ZNF493: variants seen among roughly 807,000 people sequenced by gnomAD.
ZNF493 encodes zinc finger protein 493.
Under a neutral mutation model 12.2 loss-of-function variants are expected in ZNF493, and 11 were observed. That is an observed-to-expected ratio of 0.90 (90% CI 0.57 to 1.50). The LOEUF is 1.50. Among genes scored for constraint, ZNF493 ranks in the 40% most tolerant of loss-of-function variants. The pLI is 0.00. For synonymous variants in ZNF493, 286 were observed against 302.6 expected (o/e 0.95, Z 0.57); for missense variants, 950 against 906.6 (o/e 1.05, Z -0.61).
At chr19:21,416,746 C>T (rs1031179580) in intron 3 of ZNF493, among the ~76,000 whole-genome samples, 4 of 152,274 alleles carry the variant, frequency 2.6e-5, no homozygotes, top group South Asian at 2.1e-4. Context: ...CTGTGCTATG[C>T]GCTCTCCTGG....
At chr19:21,410,996 G>A (rs2030307648) in intron 3 of ZNF493, among the ~76,000 whole-genome samples, 1 of 151,942 alleles carries the variant, frequency 6.6e-6, no homozygotes, top group African/African-American at 2.4e-5. Flanking sequence ...CTCCATGTTG[G>A]TCAGGCTGGT....
At chr19:21,416,147 T>C (rs2030483658) in intron 3 of ZNF493, among the ~76,000 whole-genome samples, 2 of 152,202 alleles carry the variant, frequency 1.3e-5, no homozygotes, top group African/African-American at 4.8e-5. Flanking sequence ...AAGGTATAGG[T>C]TCTGGAGGCT....
intron 3 of ZNF493, among the ~76,000 whole-genome samples, chr19:21,420,563 A>AT (rs2030625465): frequency 9.4e-6 from 1 of 106,864 alleles, no homozygotes; most frequent in Non-Finnish European, 1.8e-5. Context: ...AGCAGGACAG[A>AT]TTTTGTGATG....
intron 1 of ZNF493, among the ~76,000 whole-genome samples, chr19:21,402,758 G>A (rs1331830014): frequency 6.6e-6 from 1 of 152,136 alleles, no homozygotes; most frequent in African/African-American, 2.4e-5. Context: ...TTATATGAGA[G>A]GCTCCAGGTA....
intron 1 of ZNF493, chr19:21,398,661 TG>T: frequency 2.6e-6 from 1 of 390,334 alleles, no homozygotes; most frequent in South Asian, 2.1e-5. Context: ...GTGGATATTC[TG>T]GGGCTGAGGG....
chr19:21,420,808 A>G (rs1253214471), intron 3 of ZNF493, among the ~76,000 whole-genome samples: 2 of 146,070 alleles, frequency 1.4e-5, no homozygotes, highest in Non-Finnish European at 3.0e-5. Flanking sequence ...GCTAAGTGCA[A>G]TGGTGTGATC....
rs758874687 is a variant in ZNF493 at position 21,423,972 on chromosome 19, G to A, written c.1313G>A (p.Cys438Tyr). The A allele has an allele frequency of 6.2e-7, 1 of 1,613,440 alleles. No individual in the cohort carries two copies. ...TGEKPYKCEE[C>Y]GKTFSVFSIL... ...GAGAAACCCTACAAATGTGAAGAAT[G>A]TGGCAAAACCTTTAGTGTATTCTCA... The change falls in exon 4 of 4, where the codon TGT becomes TAT. Residue 438 changes from cysteine (C) to tyrosine (Y), a missense_variant. Coordinates refer to ENST00000392288, the MANE Select transcript of ZNF493 (RefSeq NM_001076678.3).
At chr19:21,417,649 T>A (rs535555031) in intron 3 of ZNF493, among the ~76,000 whole-genome samples, 4 of 152,282 alleles carry the variant, frequency 2.6e-5, no homozygotes, top group African/African-American at 7.2e-5. Context: ...TGTAAGCTAT[T>A]CTGTGGCATC....
intron 1 of ZNF493, among the ~76,000 whole-genome samples, chr19:21,399,786 A>G (rs1434170826): frequency 6.6e-6 from 1 of 152,198 alleles, no homozygotes; most frequent in African/African-American, 2.4e-5. Flanking sequence ...AAGAAAAAGG[A>G]GAGAAAAAAT....
intron 3 of ZNF493, among the ~76,000 whole-genome samples, chr19:21,411,314 A>G (rs2030318174): frequency 6.6e-6 from 1 of 152,148 alleles, no homozygotes; most frequent in Non-Finnish European, 1.5e-5. Flanking sequence ...TTGTGTAAGT[A>G]TCACACTTTT....
At position 21,397,534 on chromosome 19, in the gene ZNF493, G is replaced by A. The variant is rs1253294869; in HGVS notation, c.30+267G>A. 3 of 594,110 alleles carry A rather than the reference G, an allele frequency of 5.0e-6. No homozygotes were observed. The African/African-American group carries it at 5.6e-5, about 11-fold the overall frequency. The allele number at this position is 594,110 out of a possible 1,614,324, so 36.8% of individuals were successfully genotyped here. On this transcript the variant is annotated intron_variant, in intron 1 of 3. Transcript: ENST00000392288. ...CTGGCAGTTCTGCACCCGCAGCGCC[G>A]CGTCTTTCTCAGATTGTGCGGGGAC...
chr19:21,403,397 G>T (rs775375186), intron 1 of ZNF493, among the ~76,000 whole-genome samples: 1 of 152,320 alleles, frequency 6.6e-6, no homozygotes, highest in East Asian at 1.9e-4. Context: ...TTTGTGGCAA[G>T]GGCAGGCACA....
intron 3 of ZNF493, among the ~76,000 whole-genome samples, chr19:21,411,218 C>T (rs2145284535): frequency 1.3e-5 from 2 of 152,282 alleles, no homozygotes; most frequent in East Asian, 1.9e-4. Flanking sequence ...ATCGTGTGCT[C>T]ATGGCAACTT....
At chr19:21,419,284 A>C (rs1464875876) in intron 3 of ZNF493, among the ~76,000 whole-genome samples, 1 of 152,060 alleles carries the variant, frequency 6.6e-6, no homozygotes, top group Non-Finnish European at 1.5e-5. Context: ...ATTGGTGTTC[A>C]GCAAACTACA....
At chr19:21,405,698 G>T in intron 2 of ZNF493, 63 bp from the exon 3 acceptor site, 1 of 1,361,358 alleles carries the variant, frequency 7.3e-7, no homozygotes, top group Non-Finnish European at 1.0e-6. Context: ...TACTAAGCAT[G>T]GTACTAGGTA....
chr19:21,399,040 C>T (rs1741765718), intron 1 of ZNF493: 1 of 153,182 alleles, frequency 6.5e-6, no homozygotes, highest in African/African-American at 2.4e-5. Context: ...GCAGTGTCTC[C>T]TGAATGGGTG....
chr19:21,423,749 C>T lies in ZNF493; in HGVS notation c.1090C>T (p.Leu364Phe), dbSNP rs61737588. Residue 364 changes from leucine (L) to phenylalanine (F), a missense_variant, in exon 4 of 4, where the codon CTT (leucine) becomes TTT (phenylalanine). Physicochemically the swap from Leu to Phe is conservative, Grantham distance 22. Transcript: ENST00000392288. ...CAAAGCTTATAAGGAGTCCTCACACCTTACTACACATAAAAGAATTCATAC... is the reference window on the plus strand; with the variant it reads ...CAAAGCTTATAAGGAGTCCTCACACTTTACTACACATAAAAGAATTCATAC... ...YCKAYKESSH[L>F]TTHKRIHTGE... 6.2e-7 allele frequency: 1 copy of T among 1,613,068 alleles called. No individual in the cohort carries two copies. The highest frequency in any genetic ancestry group is 8.5e-7 in the Non-Finnish European group (1 of 1,179,362).
Position 21,422,982 on chromosome 19 carries a change from T to C in ZNF493, c.323T>C (p.Ile108Thr), listed in dbSNP as rs778425347. ...ATTAAAGATTCTTTTCAAAAAGTGA[T>C]ACTGAGAGAATATGTAAAATGTGGA... is the stretch of plus-strand genomic sequence containing the variant. ...PGIKDSFQKV[I>T]LREYVKCGHK... The change falls in exon 4 of 4, where the codon ATA becomes ACA. Residue 108 changes from isoleucine (I) to threonine (T), a missense_variant. Physicochemically the swap from Ile to Thr is moderately conservative, Grantham distance 89. Coordinates refer to ENST00000392288, the MANE Select transcript of ZNF493 (RefSeq NM_001076678.3). 16 of 1,606,902 alleles carry C rather than the reference T, an allele frequency of 1.0e-5. 2 individuals carry two copies. The South Asian group carries it at 1.7e-4, about 17-fold the overall frequency.
rs568880330 is a variant in ZNF493, at chr19:21,401,509, A to G, written c.31-3620A>G. Among the ~76,000 whole-genome samples the G allele has an allele frequency of 4.6e-5, 7 of 152,152 alleles. No individual in the cohort carries two copies. In the South Asian group the frequency reaches 1.2e-3, roughly 27 times the overall value. ...AAGTCCCTTTTTCTCAGTATTTTGA[A>G]ATAATCTTAGTAGGAGTGGTACCAG... On this transcript the variant is annotated intron_variant, in intron 1 of 3. Transcript: ENST00000392288.
Sources: allele counts gnomAD v4.1 joint callset (sites outside exome capture counted in the v4.1 genomes callset), GRCh38; gene constraint gnomAD v4.1.1; transcripts MANE v1.5; gene names NCBI Gene and HGNC (gene_info 2026-07-23, HGNC 2026-07-21).